KIF5C: variants seen among roughly 807,000 people sequenced by gnomAD.
KIF5C encodes the protein kinesin heavy chain isoform 5C.
KIF5C carries 18 observed loss-of-function variants against 125.2 expected under a neutral mutation model. The observed-to-expected ratio is 0.14, with a 90% CI of 0.10 to 0.21. The LOEUF (loss-of-function observed/expected upper bound fraction) is 0.21. Ranked by LOEUF, KIF5C falls within the 10% of genes least tolerant of loss-of-function variation. The probability of loss-of-function intolerance (pLI) is 1.00; values close to 1 mark genes in which losing one functional copy is unlikely to be tolerated. For missense variants in KIF5C, 780 were observed against 1,183.8 expected (o/e 0.66, Z 5.01); for synonymous variants, 405 against 434.0 (o/e 0.93, Z 0.83).
chr2:148,973,267 G>A lies in KIF5C; in HGVS notation c.1118-69G>A, dbSNP rs1194297056. 3 of 1,521,328 alleles carry A rather than the reference G, an allele frequency of 2.0e-6. No individual in the cohort carries two copies. In the East Asian group the frequency reaches 6.8e-5, roughly 35 times the overall value. 94.2% of individuals were successfully genotyped at this position (1,521,328 alleles called of 1,614,324 possible). On this transcript the variant is annotated intron_variant, in intron 11 of 25. Coordinates refer to ENST00000435030, the MANE Select transcript of KIF5C (RefSeq NM_004522.3). ...TTTTTCACCAGGACTGATTATTTTT[G>A]GTACTCTTCCTGGAGGGTTGCATAC...
intron 11 of KIF5C, among the ~76,000 whole-genome samples, chr2:148,962,385 G>T (rs1427376014): frequency 6.6e-6 from 1 of 150,696 alleles, no homozygotes; most frequent in Non-Finnish European, 1.5e-5. Flanking sequence ...TACCATGTTG[G>T]CCAGGCTGGT....
chr2:149,006,105 A>G (rs1681998414), intron 22 of KIF5C, among the ~76,000 whole-genome samples: 1 of 152,224 alleles, frequency 6.6e-6, no homozygotes, highest in Non-Finnish European at 1.5e-5. Flanking sequence ...GAGACACTCC[A>G]TAATGGTGAC....
intron 11 of KIF5C, among the ~76,000 whole-genome samples, chr2:148,962,968 C>A (rs935216741): frequency 1.3e-5 from 2 of 151,750 alleles, no homozygotes; most frequent in Non-Finnish European, 2.9e-5. Flanking sequence ...AGGCTTGGTT[C>A]GTGACTCGTT....
At chr2:148,940,928 A>T (rs1682394028) in intron 4 of KIF5C, among the ~76,000 whole-genome samples, 1 of 152,172 alleles carries the variant, frequency 6.6e-6, no homozygotes, top group Non-Finnish European at 1.5e-5. Context: ...AGTTCCTTTT[A>T]TCTGGGATTC....
At chr2:148,951,420 G>A (rs1682655730) in intron 10 of KIF5C, among the ~76,000 whole-genome samples, 1 of 152,128 alleles carries the variant, frequency 6.6e-6, no homozygotes, top group South Asian at 2.1e-4. Context: ...TGTGTGGTTT[G>A]GTTCATATCT....
chr2:148,964,290 G>A lies in KIF5C; in HGVS notation c.1117+2171G>A, dbSNP rs531533084. On this transcript the variant is annotated intron_variant, in intron 11 of 25. Transcript: ENST00000435030. ...AACTCCATCTCAAAAAAAAAAAAAAGAGAAAGAAATGTGCTGTTTTCTGTG... is the reference window on the plus strand; with the variant it reads ...AACTCCATCTCAAAAAAAAAAAAAAAAGAAAGAAATGTGCTGTTTTCTGTG... Among the ~76,000 whole-genome samples, 514 of 150,576 alleles carry A rather than the reference G, an allele frequency of 3.4e-3. 6 individuals are homozygous for A. The highest frequency in any genetic ancestry group is 0.012 in the African/African-American group (491 of 40,844).
intron 16 of KIF5C, among the ~76,000 whole-genome samples, chr2:148,992,876 A>G (rs1170377857): frequency 6.6e-6 from 1 of 152,248 alleles, no homozygotes; most frequent in Non-Finnish European, 1.5e-5. Context: ...CATCTATGAT[A>G]CCAAAAGCAT....
intron 25 of KIF5C, among the ~76,000 whole-genome samples, chr2:149,020,581 C>A (rs1351528472): frequency 6.6e-6 from 1 of 152,150 alleles, no homozygotes; most frequent in African/African-American, 2.4e-5. Context: ...CTTGCTGTGT[C>A]AACACGGTTT....
At chr2:148,897,747 T>A (rs1189350748) in intron 1 of KIF5C, among the ~76,000 whole-genome samples, 2 of 151,480 alleles carry the variant, frequency 1.3e-5, no homozygotes, top group Non-Finnish European at 2.9e-5. Flanking sequence ...GGTAAAACCC[T>A]GTCTTTACTA....
At chr2:148,887,804 G>A (rs151042236) in intron 1 of KIF5C, among the ~76,000 whole-genome samples, 2 of 151,884 alleles carry the variant, frequency 1.3e-5, no homozygotes, top group East Asian at 3.9e-4. Context: ...TTCACCCTAC[G>A]CCCCCTTCCC....
chr2:148,899,661 C>G (rs1294397646), intron 1 of KIF5C, among the ~76,000 whole-genome samples: 2 of 148,480 alleles, frequency 1.3e-5, no homozygotes, highest in East Asian at 4.0e-4. Context: ...CGAGGTCGCG[C>G]CACTGCTCTC....
chr2:148,990,878 G>A (rs148855771), intron 15 of KIF5C, 132 bp from the exon 16 acceptor site: 189 of 1,419,452 alleles, frequency 1.3e-4, no homozygotes, highest in East Asian at 8.8e-4. Context: ...AGTACTTTCC[G>A]CTTGTCCTTT....
intron 12 of KIF5C, among the ~76,000 whole-genome samples, chr2:148,977,881 A>G (rs919639323): frequency 6.6e-6 from 1 of 152,170 alleles, no homozygotes; most frequent in Non-Finnish European, 1.5e-5. Flanking sequence ...CCAGGCCCTT[A>G]AGTTTGGGTT....
chr2:149,002,974 G>A lies in KIF5C; in HGVS notation c.2373+2192G>A, dbSNP rs537679894. On this transcript the variant is annotated intron_variant, in intron 21 of 25. Transcript: ENST00000435030. Reference sequence around the variant, plus strand: ...GTCCGTTCTCTCTCCCACGCTGGGCGCGGTTCCATGCGCACCCTCCCAGGC... The same window carrying A: ...GTCCGTTCTCTCTCCCACGCTGGGCACGGTTCCATGCGCACCCTCCCAGGC... Among the ~76,000 whole-genome samples the A allele has an allele frequency of 2.6e-5, 4 of 152,216 alleles. No individual in the cohort carries two copies. The East Asian group carries it at 7.8e-4, about 30-fold the overall frequency.
At chr2:148,923,937 A>G (rs1681890589) in intron 2 of KIF5C, among the ~76,000 whole-genome samples, 1 of 152,248 alleles carries the variant, frequency 6.6e-6, no homozygotes, top group East Asian at 1.9e-4. Flanking sequence ...AACTCTGGAT[A>G]ACTTGAGACC....
At chr2:148,955,538 CAT>C (rs1175019940) in intron 10 of KIF5C, among the ~76,000 whole-genome samples, 2 of 152,062 alleles carry the variant, frequency 1.3e-5, no homozygotes, top group East Asian at 3.8e-4. Flanking sequence ...TGCCAGCCCC[CAT>C]AGTCATGTGA....
intron 3 of KIF5C, among the ~76,000 whole-genome samples, chr2:148,933,448 A>AC (rs1293081730): frequency 6.6e-4 from 98 of 147,614 alleles, no homozygotes; most frequent in Admixed American, 1.0e-3. Context: ...ACCACATTCC[A>AC]CCCCCCCCAC....
At chr2:148,995,938 C>T (rs1408689956) in intron 17 of KIF5C, among the ~76,000 whole-genome samples, 3 of 152,108 alleles carry the variant, frequency 2.0e-5, no homozygotes, top group Admixed American at 6.5e-5. Context: ...GGGCGGATCA[C>T]GAGGTCAGGA....
At chr2:148,950,291 A>G (rs77059169) in intron 9 of KIF5C, 23 bp from the exon 10 acceptor site, 1 of 1,610,488 alleles carries the variant, frequency 6.2e-7, no homozygotes. Context: ...GTCAAAACCA[A>G]TACTTTTTCT....
Sources: gnomAD v4.1 joint callset for allele counts (sites outside exome capture counted in the v4.1 genomes callset) on GRCh38, gnomAD v4.1.1 for gene constraint, MANE v1.5 for transcripts, NCBI Gene and HGNC (gene_info 2026-07-23, HGNC 2026-07-21) for gene names.